The following IGSF11 variants were observed in gnomAD, a reference collection of about 807,000 sequenced individuals.
IGSF11 encodes the protein immunoglobulin superfamily member 11.
Under a neutral mutation model 41.0 loss-of-function variants are expected in IGSF11, and 22 were observed. That is an observed-to-expected ratio of 0.54 (90% CI 0.38 to 0.77). The LOEUF (loss-of-function observed/expected upper bound fraction) is 0.77. Ranked by LOEUF, IGSF11 falls within the 30% of genes least tolerant of loss-of-function variation. The pLI, the probability that IGSF11 is intolerant of heterozygous loss-of-function variation, is 0.00. For missense variants in IGSF11, 444 were observed against 530.8 expected (o/e 0.84, Z 1.61); for synonymous variants, 219 against 201.3 (o/e 1.09, Z -0.74).
chr3:119,062,651 A>G lies in IGSF11; in HGVS notation c.49+42493T>C, dbSNP rs150263440. Among the ~76,000 whole-genome samples, 232 of 152,316 alleles carry G rather than the reference A, an allele frequency of 1.5e-3. 1 individual carries two copies. Among genetic ancestry groups the G allele is most frequent in the African/African-American group, 5.0e-3 (208 of 41,572 alleles). ...ATCTGCATCTATTTATGTCCTAACT[A>G]TGGTTTAGCAAGGTGGCACTTCAAA... is the stretch of plus-strand genomic sequence containing the variant. On this transcript the variant is annotated intron_variant, in intron 1 of 6. Coordinates refer to the IGSF11 transcript ENST00000354673.
upstream of IGSF11, among the ~76,000 whole-genome samples, chr3:119,109,668 T>G (rs1224965842): frequency 1.3e-5 from 2 of 152,220 alleles, no homozygotes; most frequent in Admixed American, 6.5e-5. Context: ...TCTAGTTCTT[T>G]TAATTGTGAT....
intron 1 of IGSF11, among the ~76,000 whole-genome samples, chr3:119,056,387 TC>T (rs1233325263): frequency 6.6e-6 from 1 of 152,064 alleles, no homozygotes; most frequent in Non-Finnish European, 1.5e-5. Context: ...ATGGATAAAT[TC>T]CTCGACACAT....
At position 118,977,314 on chromosome 3, in the gene IGSF11, C is replaced by A. The variant is rs570773631; in HGVS notation, c.53-47039G>T. Reference sequence around the variant, plus strand: ...CCCTCAGACAGGCAGCAACAGCTTGCAGGGCCCTTGTGGCTAAGGGGCAGG... The same window carrying A: ...CCCTCAGACAGGCAGCAACAGCTTGAAGGGCCCTTGTGGCTAAGGGGCAGG... On this transcript the variant is annotated intron_variant, in intron 1 of 6. Coordinates refer to ENST00000393775, the MANE Select transcript of IGSF11 (RefSeq NM_001015887.3). Among the ~76,000 whole-genome samples the A allele has an allele frequency of 6.6e-5, 10 of 152,260 alleles. No individual in the cohort carries two copies. The South Asian group carries it at 1.9e-3, about 28-fold the overall frequency.
intron 1 of IGSF11, among the ~76,000 whole-genome samples, chr3:119,111,683 C>G (rs1338144772): frequency 1.3e-5 from 2 of 152,162 alleles, no homozygotes; most frequent in Admixed American, 6.5e-5. Flanking sequence ...TTTAGAGTTT[C>G]CAGTTTTTCT....
At chr3:119,014,973 A>C (rs1938530457) in intron 1 of IGSF11, among the ~76,000 whole-genome samples, 1 of 152,194 alleles carries the variant, frequency 6.6e-6, no homozygotes. Flanking sequence ...AGTATGCTAA[A>C]TGTCTTTTTA....
intron 1 of IGSF11, among the ~76,000 whole-genome samples, chr3:119,122,751 G>C (rs1156491184): frequency 6.6e-6 from 1 of 152,160 alleles, no homozygotes; most frequent in Non-Finnish European, 1.5e-5. Context: ...GACATTTCTA[G>C]ACATACCCTA....
At chr3:118,995,963 T>C (rs1936234274) in intron 1 of IGSF11, among the ~76,000 whole-genome samples, 1 of 152,008 alleles carries the variant, frequency 6.6e-6, no homozygotes, top group African/African-American at 2.4e-5. Context: ...TTTGTATTTT[T>C]AGTAGAGACA....
intron 1 of IGSF11, among the ~76,000 whole-genome samples, chr3:118,935,330 CCT>C (rs1216144360): frequency 8.1e-6 from 1 of 122,824 alleles, no homozygotes; most frequent in African/African-American, 3.2e-5. Flanking sequence ...GTATATACAC[CCT>C]GAGATATATA....
At chr3:119,106,311 TCTAA>T (rs1253956195), upstream of IGSF11, among the ~76,000 whole-genome samples, 9 of 152,328 alleles carry the variant, frequency 5.9e-5, no homozygotes, top group East Asian at 9.6e-4. Context: ...ATTCATTCTT[TCTAA>T]CTATTTTTTG....
chr3:118,911,130 C>A (rs1002933836), intron 4 of IGSF11, among the ~76,000 whole-genome samples: 1 of 151,886 alleles, frequency 6.6e-6, no homozygotes, highest in Admixed American at 6.6e-5. Context: ...TGCACACACA[C>A]ACACATATAT....
At chr3:119,004,064 T>G (rs975097683) in intron 1 of IGSF11, among the ~76,000 whole-genome samples, 4 of 151,942 alleles carry the variant, frequency 2.6e-5, no homozygotes, top group East Asian at 1.9e-4. Flanking sequence ...GTACCTCTGG[T>G]AGAATTCGGC....
Position 118,905,940 on chromosome 3 carries a change from C to G in IGSF11, c.581-222G>C, listed in dbSNP as rs78484603. On this transcript the variant is annotated intron_variant, in intron 4 of 6. Transcript: ENST00000393775. Reference sequence around the variant, plus strand: ...TTTGGAGCGCTGTCCTAAATCAGAACAATCTTAAAACTGAATCTGCAGGTA... The same window carrying G: ...TTTGGAGCGCTGTCCTAAATCAGAAGAATCTTAAAACTGAATCTGCAGGTA... Among the ~76,000 whole-genome samples, 166 of 152,214 alleles carry G rather than the reference C, an allele frequency of 1.1e-3. 4 individuals carry two copies. In the East Asian group the frequency reaches 0.03, roughly 27 times the overall value.
intron 1 of IGSF11, among the ~76,000 whole-genome samples, chr3:119,064,408 T>C (rs562677940): frequency 6.6e-6 from 1 of 152,194 alleles, no homozygotes; most frequent in East Asian, 1.9e-4. Flanking sequence ...TACTCCATCC[T>C]AATCCCAAAA....
upstream of IGSF11, among the ~76,000 whole-genome samples, chr3:119,039,727 GT>G (rs1339822237): frequency 6.6e-6 from 1 of 152,072 alleles, no homozygotes; most frequent in Non-Finnish European, 1.5e-5. Flanking sequence ...GCAGGAACAT[GT>G]TTGCCTCAGG....
chr3:118,981,936 T>C (rs35874), intron 1 of IGSF11: 17,889 of 152,846 alleles, frequency 0.12, 1,301 homozygotes, highest in East Asian at 0.21. Flanking sequence ...CTCTTCTTTC[T>C]GGGTCTGTAA....
chr3:118,928,795 T>C, intron 2 of IGSF11, 79 bp from the exon 3 acceptor site: 1 of 996,238 alleles, frequency 1.0e-6, no homozygotes, highest in Non-Finnish European at 1.5e-6. Context: ...TGGTAGACAG[T>C]ACCAAATGCT....
In IGSF11 at chr3:119,041,065, A is replaced by T. The variant is rs557156919; in HGVS notation, c.49+64079T>A. 6.6e-5 allele frequency among the ~76,000 whole-genome samples: 10 copies of T among 152,322 alleles called. No individual in the cohort carries two copies. In the South Asian group the frequency reaches 2.1e-3, roughly 32 times the overall value. On this transcript the variant is annotated intron_variant, in intron 1 of 6. Transcript: ENST00000354673. ...CAGAAAATATGAAAACCTAAACACA[A>T]ATAAATTACTACTTAGCTTAAGAAT...
At chr3:119,034,896 C>A (rs1055095251), upstream of IGSF11, 5 of 1,084,148 alleles carry the variant, frequency 4.6e-6, no homozygotes, top group African/African-American at 4.9e-5. Context: ...ACTCACGCCC[C>A]GCTACTCCAG....
chr3:119,018,546 T>C (rs915511697), intron 1 of IGSF11, among the ~76,000 whole-genome samples: 1 of 152,226 alleles, frequency 6.6e-6, no homozygotes, highest in Non-Finnish European at 1.5e-5. Context: ...ACATATTATG[T>C]TTACCTATTA....
Sources: gnomAD v4.1 joint callset for allele counts (sites outside exome capture counted in the v4.1 genomes callset) on GRCh38, gnomAD v4.1.1 for gene constraint, MANE v1.5 for transcripts, NCBI Gene and HGNC (gene_info 2026-07-23, HGNC 2026-07-21) for gene names.